Variants in DRC8 observed in about 807,000 individuals in gnomAD.
DRC8 encodes dynein regulatory complex subunit 8, also known as dynein regulatory complex protein 8.
chr1:245,119,357 T>TTG, the DRC8 span, among the ~76,000 whole-genome samples: 1 of 151,662 alleles, frequency 6.6e-6, no homozygotes, highest in East Asian at 1.9e-4. Flanking sequence ...TTTTTTTTTT[T>TTG]CATACTAAAA....
chr1:245,029,535 T>C, the DRC8 span, among the ~76,000 whole-genome samples: 140 of 151,846 alleles, frequency 9.2e-4, no homozygotes, highest in East Asian at 0.022. Flanking sequence ...TGACCTCAGG[T>C]CATCTGCCCA....
the DRC8 span, among the ~76,000 whole-genome samples, chr1:245,061,138 T>C: frequency 7.2e-5 from 11 of 152,258 alleles, no homozygotes; most frequent in Admixed American, 3.9e-4. Flanking sequence ...CTACCACTTA[T>C]AGCCATGTGG....
the DRC8 span, among the ~76,000 whole-genome samples, chr1:245,079,992 C>T: frequency 6.6e-6 from 1 of 152,074 alleles, no homozygotes; most frequent in African/African-American, 2.4e-5. Context: ...TTCTGAAACA[C>T]ACAATTCTGT....
the DRC8 span, among the ~76,000 whole-genome samples, chr1:245,099,147 T>C: frequency 6.6e-6 from 1 of 152,114 alleles, no homozygotes; most frequent in African/African-American, 2.4e-5. Flanking sequence ...ACCAAGAACA[T>C]GACAACTGTT....
the DRC8 span, among the ~76,000 whole-genome samples, chr1:245,119,865 G>A: frequency 0.014 from 2,061 of 152,000 alleles, 59 homozygotes; most frequent in African/African-American, 0.046. Flanking sequence ...CCCAGGAGGT[G>A]GAGCTTGCAG....
At chr1:245,076,627 T>C in the DRC8 span, among the ~76,000 whole-genome samples, 1 of 152,272 alleles carries the variant, frequency 6.6e-6, no homozygotes, top group Non-Finnish European at 1.5e-5. Flanking sequence ...ATGGAATCTT[T>C]CTTGAATTCA....
the DRC8 span, among the ~76,000 whole-genome samples, chr1:245,047,207 A>G: frequency 6.6e-6 from 1 of 152,240 alleles, no homozygotes; most frequent in African/African-American, 2.4e-5. Flanking sequence ...TGACTCTCCC[A>G]AAACACAACT....
the DRC8 span, among the ~76,000 whole-genome samples, chr1:245,092,732 A>G: frequency 2.0e-5 from 3 of 152,176 alleles, no homozygotes; most frequent in Non-Finnish European, 2.9e-5. Flanking sequence ...CTGATATTGA[A>G]TGAAAGTGTG....
At chr1:245,000,557 G>T in the DRC8 span, among the ~76,000 whole-genome samples, 1 of 152,094 alleles carries the variant, frequency 6.6e-6, no homozygotes, top group Non-Finnish European at 1.5e-5. Flanking sequence ...AAGGCAGGCA[G>T]ATCATGAGGT....
chr1:245,065,172 C>T, the DRC8 span, among the ~76,000 whole-genome samples: 5 of 144,846 alleles, frequency 3.5e-5, no homozygotes, highest in Admixed American at 7.2e-5. Context: ...AATGATCTAC[C>T]TGCCTTGGCC....
At chr1:245,019,531 G>A in the DRC8 span, among the ~76,000 whole-genome samples, 2 of 151,898 alleles carry the variant, frequency 1.3e-5, no homozygotes, top group South Asian at 4.2e-4. Flanking sequence ...GGACTACCAC[G>A]CCCAGCTAAT....
chr1:245,018,273 G>A, the DRC8 span, among the ~76,000 whole-genome samples: 15 of 151,772 alleles, frequency 9.9e-5, 1 homozygote, highest in Admixed American at 9.8e-4. Context: ...CTTTCAGGAG[G>A]CCGGGCTAAA....
chr1:244,982,177 T>C, the DRC8 span, among the ~76,000 whole-genome samples: 29 of 152,306 alleles, frequency 1.9e-4, no homozygotes, highest in South Asian at 6.2e-4. Context: ...GCCCTACTCC[T>C]AGCCAGATTG....
chr1:245,002,122 G>C, the DRC8 span: 3 of 1,600,244 alleles, frequency 1.9e-6, no homozygotes, highest in South Asian at 3.4e-5. Flanking sequence ...TTATGCTAGG[G>C]CCTGGGATAC....
the DRC8 span, chr1:245,082,303 C>G: frequency 1.5e-6 from 1 of 667,500 alleles, no homozygotes; most frequent in Non-Finnish European, 2.6e-6. Flanking sequence ...ACCTTTCAAG[C>G]TACTTCTGAA....
chr1:245,058,347 T>C, the DRC8 span, among the ~76,000 whole-genome samples: 82 of 152,298 alleles, frequency 5.4e-4, 2 homozygotes, highest in East Asian at 0.015. Context: ...CATGTTTTGT[T>C]GGCCCTTCAT....
the DRC8 span, among the ~76,000 whole-genome samples, chr1:245,037,386 A>G: frequency 6.6e-6 from 1 of 152,238 alleles, no homozygotes; most frequent in Non-Finnish European, 1.5e-5. Flanking sequence ...AAGAAAAATC[A>G]TAGGATCATC....
chr1:245,052,347 G>A, the DRC8 span, among the ~76,000 whole-genome samples: 1 of 152,176 alleles, frequency 6.6e-6, no homozygotes, highest in African/African-American at 2.4e-5. Flanking sequence ...GAGGGTGAAG[G>A]GCCCAGAGTT....
the DRC8 span, among the ~76,000 whole-genome samples, chr1:245,014,632 T>C: frequency 7.0e-6 from 1 of 141,894 alleles, no homozygotes; most frequent in Admixed American, 7.8e-5. Context: ...CTGTAAGTAC[T>C]AACAGGTGGG....
Sources: gnomAD v4.1 joint callset for allele counts (sites outside exome capture counted in the v4.1 genomes callset) on GRCh38, gnomAD v4.1.1 for gene constraint, MANE v1.5 for transcripts, NCBI Gene and HGNC (gene_info 2026-07-23, HGNC 2026-07-21) for gene names.